The following ADSS2 variants were observed in gnomAD, a reference collection of about 807,000 sequenced individuals.
ADSS2 encodes the protein adenylosuccinate synthetase isozyme 2.
ADSS2 carries 30 observed loss-of-function variants against 60.0 expected under a neutral mutation model. The ratio of observed to expected loss-of-function variants is 0.50; its 90% CI spans 0.37 to 0.68. The LOEUF (loss-of-function observed/expected upper bound fraction) is 0.68. ADSS2 is among the 30% of genes least tolerant of loss of function. The probability of loss-of-function intolerance (pLI) is 0.00; values close to 1 mark genes in which losing one functional copy is unlikely to be tolerated. For missense variants in ADSS2, 373 were observed against 554.8 expected, an observed-to-expected ratio of 0.67 and a Z score of 3.29; for synonymous variants, 187 against 193.1, an observed-to-expected ratio of 0.97 and a Z score of 0.26.
At chr1:244,420,787 A>T (rs991550265) in intron 7 of ADSS2, among the ~76,000 whole-genome samples, 3 of 152,106 alleles carry the variant, frequency 2.0e-5, no homozygotes, top group Non-Finnish European at 4.4e-5. Flanking sequence ...GCTCACTTGC[A>T]GCCTCGACCT....
intron 1 of ADSS2, among the ~76,000 whole-genome samples, chr1:244,442,571 G>A (rs1456873553): frequency 6.6e-6 from 1 of 152,150 alleles, no homozygotes; most frequent in Non-Finnish European, 1.5e-5. Flanking sequence ...GATTTAGGGG[G>A]AAATATCTAA....
chr1:244,422,951 C>T, intron 6 of ADSS2, 35 bp from the exon 7 acceptor site: 2 of 1,328,084 alleles, frequency 1.5e-6, no homozygotes, highest in Non-Finnish European at 2.1e-6. Context: ...CATTACCACT[C>T]TGTGAAAAAT....
At chr1:244,431,314 T>A (rs1047595478) in intron 4 of ADSS2, among the ~76,000 whole-genome samples, 3 of 152,202 alleles carry the variant, frequency 2.0e-5, no homozygotes, top group Non-Finnish European at 4.4e-5. Context: ...TTTGTCCTTA[T>A]CCAAATTGCA....
chr1:244,447,492 T>C (rs985273244), intron 1 of ADSS2, among the ~76,000 whole-genome samples: 5 of 152,292 alleles, frequency 3.3e-5, no homozygotes, highest in Middle Eastern at 3.4e-3. Context: ...CTAACTGCAA[T>C]AGGACATCCT....
intron 11 of ADSS2, among the ~76,000 whole-genome samples, chr1:244,412,404 T>G (rs371989707): frequency 4.6e-5 from 7 of 152,176 alleles, no homozygotes; most frequent in African/African-American, 1.7e-4. Context: ...TAGAGGAAGA[T>G]AGCTCTAAAA....
At chr1:244,425,577 A>C (rs1434486715) in intron 4 of ADSS2, among the ~76,000 whole-genome samples, 1 of 152,128 alleles carries the variant, frequency 6.6e-6, no homozygotes, top group East Asian at 1.9e-4. Flanking sequence ...CCTCTGATTA[A>C]CCCTGCCCCT....
intron 3 of ADSS2, among the ~76,000 whole-genome samples, chr1:244,434,332 G>A (rs1209394895): frequency 6.6e-6 from 1 of 150,632 alleles, no homozygotes; most frequent in African/African-American, 2.4e-5. Context: ...CAGCATAGAC[G>A]ACAGAGCAAG....
chr1:244,441,062 T>TC (rs2148011638), intron 1 of ADSS2, among the ~76,000 whole-genome samples: 1 of 139,968 alleles, frequency 7.1e-6, no homozygotes, highest in East Asian at 2.0e-4. Flanking sequence ...AACTTAGTCT[T>TC]TTTTTTTTTT....
intron 4 of ADSS2, among the ~76,000 whole-genome samples, chr1:244,430,219 A>C (rs191663285): frequency 1.1e-3 from 172 of 152,160 alleles, no homozygotes; most frequent in Non-Finnish European, 2.0e-3. Flanking sequence ...ACCCCTTCCC[A>C]TTACTACTTT....
In ADSS2 at chr1:244,441,826, C is replaced by T. The variant is rs147143809; in HGVS notation, c.184-4058G>A. ...AAAAAATTAGCCAGGCGTGGTGGCA[C>T]GTGCCTGTAGTCCCAGCTACTCGGG... On this transcript the variant is annotated intron_variant, in intron 1 of 12. Coordinates refer to ENST00000366535, the MANE Select transcript of ADSS2 (RefSeq NM_001126.5). Among the ~76,000 whole-genome samples, 38 of 151,978 alleles carry T rather than the reference C, an allele frequency of 2.5e-4. No homozygotes were observed. In the East Asian group the frequency reaches 6.4e-3, roughly 26 times the overall value.
chr1:244,447,489 C>T (rs1665422909), intron 1 of ADSS2, among the ~76,000 whole-genome samples: 1 of 152,132 alleles, frequency 6.6e-6, no homozygotes. Context: ...TTACTAACTG[C>T]AATAGGACAT....
At chr1:244,443,341 C>T (rs1203346433) in intron 1 of ADSS2, among the ~76,000 whole-genome samples, 1 of 152,208 alleles carries the variant, frequency 6.6e-6, no homozygotes, top group Non-Finnish European at 1.5e-5. Context: ...TGATCCCAGT[C>T]ACTCTTGTAG....
In ADSS2 at chr1:244,424,389, T is replaced by C; in HGVS notation, c.407-2A>G. ...CAGCTGCTTGATGAAAATCAAATAC[T>C]GAGGGGAAATAAAACCACAGTTGTT... is the stretch of plus-strand genomic sequence containing the variant. On this transcript the variant is annotated splice_acceptor_variant, in intron 4 of 12. Coordinates refer to ENST00000366535, the MANE Select transcript of ADSS2 (RefSeq NM_001126.5). LOFTEE classifies it high-confidence loss of function. 6.2e-7 allele frequency: 1 copy of C among 1,612,356 alleles called. No homozygotes were observed. Among genetic ancestry groups the C allele is most frequent in the Non-Finnish European group, 8.5e-7 (1 of 1,178,960 alleles).
chr1:244,411,227 A>AAC (rs1664406544), intron 12 of ADSS2, 60 bp downstream of exon 12: 2 of 1,536,560 alleles, frequency 1.3e-6, no homozygotes, highest in East Asian at 4.5e-5. Context: ...TCAAAAAAAA[A>AAC]AAAAGAAAAA....
intron 7 of ADSS2, among the ~76,000 whole-genome samples, chr1:244,422,430 A>C (rs1299851614): frequency 6.6e-6 from 1 of 152,240 alleles, no homozygotes. Context: ...CTATGGGGTT[A>C]TCCTTCCTAA....
At chr1:244,443,415 A>G (rs1226006960) in intron 1 of ADSS2, among the ~76,000 whole-genome samples, 2 of 152,236 alleles carry the variant, frequency 1.3e-5, no homozygotes, top group East Asian at 1.9e-4. Flanking sequence ...AAAAAATAGA[A>G]TATGTTCAAT....
chr1:244,450,681 T>C (rs1665537094), intron 1 of ADSS2, among the ~76,000 whole-genome samples: 1 of 152,214 alleles, frequency 6.6e-6, no homozygotes, highest in Admixed American at 6.5e-5. Context: ...GCTTAGAATT[T>C]TGAAACTGGA....
chr1:244,443,237 GTAAGT>G (rs1223942138), intron 1 of ADSS2, among the ~76,000 whole-genome samples: 1 of 152,092 alleles, frequency 6.6e-6, no homozygotes, highest in African/African-American at 2.4e-5. Flanking sequence ...ACCAAACTTG[GTAAGT>G]TATCTCCCAC....
rs1467880217 is a variant in ADSS2 at position 244,451,587 on chromosome 1, GCCCGAGCT to G, written c.183+40_183+47del. On this transcript the variant is annotated intron_variant, in intron 1 of 12. Transcript: ENST00000366535. The surrounding 1 kb of genome is among the most constrained non-coding windows in gnomAD (Gnocchi z 6.6). ...GTTCCCGGGCACCAGGAGCCAGGCA[GCCCGAGCT>G]CCCGGGCCCGGCTTCCCATGAGAGG... is the stretch of plus-strand genomic sequence containing the variant. 6.4e-7 allele frequency: 1 copy of G among 1,554,352 alleles called. No individual in the cohort carries two copies. Among genetic ancestry groups the G allele is most frequent in the African/African-American group, 1.4e-5 (1 of 73,072 alleles).
Sources: gnomAD v4.1 joint callset for allele counts (sites outside exome capture counted in the v4.1 genomes callset) on GRCh38, gnomAD v4.1.1 for gene constraint, Gnocchi (gnomAD v3.1) non-coding constraint, MANE v1.5 for transcripts, NCBI Gene and HGNC (gene_info 2026-07-23, HGNC 2026-07-21) for gene names.